Variants in TENM4 observed in about 807,000 individuals in gnomAD.
The protein encoded by TENM4 is teneurin transmembrane protein 4.
TENM4 carries 82 observed loss-of-function variants against 243.3 expected under a neutral mutation model. That is an observed-to-expected ratio of 0.34 (90% CI 0.28 to 0.40). TENM4 has a LOEUF of 0.40. Among genes scored for constraint, TENM4 ranks in the 10% least tolerant of loss-of-function variants. The pLI, the probability that TENM4 is intolerant of heterozygous loss-of-function variation, is 1.00. For missense variants in TENM4, 3,138 were observed against 3,673.3 expected (o/e 0.85, Z 3.77); for synonymous variants, 1,412 against 1,456.3 (o/e 0.97, Z 0.69).
At chr11:78,700,136 A>T (rs2135759866) in intron 28 of TENM4, among the ~76,000 whole-genome samples, 1 of 152,290 alleles carries the variant, frequency 6.6e-6, no homozygotes, top group African/African-American at 2.4e-5. Flanking sequence ...TTCTCCTAGG[A>T]CTGTTAGAAA....
intron 6 of TENM4, among the ~76,000 whole-genome samples, chr11:79,013,275 C>A (rs957220107): frequency 6.6e-6 from 1 of 152,190 alleles, no homozygotes; most frequent in African/African-American, 2.4e-5. Context: ...TTCCTTGCAA[C>A]GTCTTCTCAG....
At chr11:79,162,200 C>G (rs1862761939) in intron 3 of TENM4, among the ~76,000 whole-genome samples, 1 of 152,202 alleles carries the variant, frequency 6.6e-6, no homozygotes, top group Non-Finnish European at 1.5e-5. Flanking sequence ...GGGCAGTGGT[C>G]AAGATCATGG....
chr11:78,800,022 G>A (rs896223595), intron 15 of TENM4, among the ~76,000 whole-genome samples: 2 of 152,158 alleles, frequency 1.3e-5, no homozygotes, highest in African/African-American at 4.8e-5. Context: ...CAAATGATGA[G>A]TCTAAGGGAT....
At chr11:79,364,213 A>T (rs1424760257) in intron 1 of TENM4, among the ~76,000 whole-genome samples, 1 of 152,198 alleles carries the variant, frequency 6.6e-6, no homozygotes, top group Admixed American at 6.5e-5. Flanking sequence ...CATGCTCCAT[A>T]ACCGCATGTG....
intron 6 of TENM4, among the ~76,000 whole-genome samples, chr11:78,972,461 G>A (rs1455058376): frequency 6.6e-6 from 1 of 151,920 alleles, no homozygotes; most frequent in East Asian, 1.9e-4. Flanking sequence ...GGTTTCTCGG[G>A]GACTTTAAAA....
At chr11:79,328,771 C>A (rs916555147) in intron 1 of TENM4, among the ~76,000 whole-genome samples, 2 of 126,154 alleles carry the variant, frequency 1.6e-5, no homozygotes, top group Non-Finnish European at 3.4e-5. Context: ...ATGTACCATG[C>A]CTGATGTTAA....
intron 19 of TENM4, among the ~76,000 whole-genome samples, chr11:78,738,994 T>C (rs1487102912): frequency 6.6e-6 from 1 of 152,100 alleles, no homozygotes; most frequent in African/African-American, 2.4e-5. Context: ...CTTTTTTTTT[T>C]CATCCTGGTA....
chr11:79,310,767 C>T lies in TENM4; in HGVS notation c.-320-13224G>A, dbSNP rs367649329. 9.3e-4 allele frequency among the ~76,000 whole-genome samples: 141 copies of T among 152,238 alleles called. 5 individuals are homozygous for T. In the South Asian group the frequency reaches 0.028, roughly 31 times the overall value. On this transcript the variant is annotated intron_variant, in intron 1 of 33. Coordinates refer to ENST00000278550, the MANE Select transcript of TENM4 (RefSeq NM_001098816.3). ...CACTCTGAGTCCTGTTTTTCCAGCC[C>T]TGCCACTGACACAGGTCTGGGGCTT... is the stretch of plus-strand genomic sequence containing the variant.
intron 6 of TENM4, among the ~76,000 whole-genome samples, chr11:78,977,344 T>C (rs1423991490): frequency 6.6e-6 from 1 of 152,238 alleles, no homozygotes; most frequent in Non-Finnish European, 1.5e-5. Context: ...AGGACTTCAA[T>C]ATACCTTTCT....
intron 6 of TENM4, among the ~76,000 whole-genome samples, chr11:79,022,498 G>A (rs900295312): frequency 2.0e-5 from 3 of 152,130 alleles, no homozygotes; most frequent in East Asian, 3.9e-4. Context: ...AGAGCAGTCC[G>A]CACTCTCATG....
chr11:79,176,801 A>C (rs1863167060), intron 3 of TENM4, among the ~76,000 whole-genome samples: 1 of 152,246 alleles, frequency 6.6e-6, no homozygotes, highest in Non-Finnish European at 1.5e-5. Flanking sequence ...ATGTAAATAC[A>C]ATCATTTTAT....
chr11:79,308,849 C>T (rs1856671529), intron 1 of TENM4, among the ~76,000 whole-genome samples: 1 of 152,196 alleles, frequency 6.6e-6, no homozygotes, highest in East Asian at 1.9e-4. Context: ...GGAATAACCA[C>T]ACCCACTTTT....
intron 1 of TENM4, among the ~76,000 whole-genome samples, chr11:79,303,277 G>A (rs1856578125): frequency 6.6e-6 from 1 of 152,142 alleles, no homozygotes; most frequent in Non-Finnish European, 1.5e-5. Context: ...CAGAGTTTGG[G>A]TTTTACCCCT....
At chr11:79,356,252 C>T (rs75263403) in intron 1 of TENM4, among the ~76,000 whole-genome samples, 22,680 of 152,186 alleles carry the variant, frequency 0.15, 1,733 homozygotes, top group Non-Finnish European at 0.17. Flanking sequence ...GAGGGGAGCC[C>T]TGGATCAAGT....
At chr11:79,427,765 T>C (rs1319079395) in intron 1 of TENM4, among the ~76,000 whole-genome samples, 2 of 152,154 alleles carry the variant, frequency 1.3e-5, no homozygotes, top group Non-Finnish European at 2.9e-5. Context: ...CTTATCCTAG[T>C]AATAAAAATC....
chr11:78,696,890 T>G (rs1367082793), intron 28 of TENM4, among the ~76,000 whole-genome samples: 1 of 152,008 alleles, frequency 6.6e-6, no homozygotes, highest in Non-Finnish European at 1.5e-5. Context: ...TTTTCTTCCC[T>G]CATTCAGCTG....
chr11:78,881,632 A>G (rs1421989217), intron 9 of TENM4, among the ~76,000 whole-genome samples: 2 of 152,038 alleles, frequency 1.3e-5, no homozygotes, highest in African/African-American at 4.8e-5. Context: ...ACTCTCCTCA[A>G]ATTAAAAGCA....
In TENM4 at chr11:78,670,406, T is replaced by C. The variant is rs1270901205; in HGVS notation, c.5939A>G (p.Gln1980Arg). 1 of 1,613,860 alleles carries C rather than the reference T, an allele frequency of 6.2e-7. No homozygotes were observed. Among genetic ancestry groups the C allele is most frequent in the Non-Finnish European group, 8.5e-7 (1 of 1,179,892 alleles). Residue 1980 changes from glutamine to arginine, a missense_variant, in exon 32 of 34, where the codon CAG becomes CGG. By Grantham distance (43) the Gln-to-Arg change is conservative. Transcript: ENST00000278550. The stretch of plus-strand genomic sequence containing the variant: ...GACTGAGGCATTGCCCTCAGGGGGC[T>C]GATAGATGTTTCTGTAGTAGCCCAC... ...RSVGYYRNIYQPPEGNASVIQ... is the reference protein window; with the variant it reads ...RSVGYYRNIYRPPEGNASVIQ...
At chr11:78,935,442 G>A (rs894494206) in intron 6 of TENM4, among the ~76,000 whole-genome samples, 4 of 152,214 alleles carry the variant, frequency 2.6e-5, no homozygotes, top group Non-Finnish European at 5.9e-5. Context: ...AATAACTTAT[G>A]AGATAGGTTA....
Sources: allele counts gnomAD v4.1 joint callset (sites outside exome capture counted in the v4.1 genomes callset), GRCh38; gene constraint gnomAD v4.1.1; transcripts MANE v1.5; gene names NCBI Gene and HGNC (gene_info 2026-07-23, HGNC 2026-07-21).